The following RAB38 variants were observed in gnomAD, a reference collection of about 807,000 sequenced individuals.
RAB38 encodes ras-related protein Rab-38.
In RAB38, 15 loss-of-function variants were observed where a neutral mutation model predicts 18.4. The observed-to-expected ratio is 0.82, with a 90% confidence interval of 0.55 to 1.26. The LOEUF is 1.26. Ranked by LOEUF, RAB38 falls within the 50% of genes most tolerant of loss-of-function variation. The pLI is 0.00. For missense variants in RAB38, 294 were observed against 267.4 expected, an observed-to-expected ratio of 1.10 and a Z score of -0.69; for synonymous variants, 101 against 104.4, an observed-to-expected ratio of 0.97 and a Z score of 0.20.
At chr11:87,972,717 T>C in the RAB38 span, among the ~76,000 whole-genome samples, 3 of 152,108 alleles carry the variant, frequency 2.0e-5, no homozygotes, top group African/African-American at 7.2e-5. Context: ...TTTACCTATA[T>C]ATTTGAGGTA....
At chr11:87,934,567 G>A in the RAB38 span, among the ~76,000 whole-genome samples, 2 of 152,160 alleles carry the variant, frequency 1.3e-5, no homozygotes, top group East Asian at 1.9e-4. Flanking sequence ...ATTTGAGGCA[G>A]TACTCTCGTG....
chr11:87,891,753 T>C, the RAB38 span, among the ~76,000 whole-genome samples: 1 of 151,920 alleles, frequency 6.6e-6, no homozygotes, highest in Non-Finnish European at 1.5e-5. Flanking sequence ...TAGAACACTA[T>C]AGATAGGCCA....
intron 1 of RAB38, among the ~76,000 whole-genome samples, chr11:88,162,932 T>C (rs1943203961): frequency 6.6e-6 from 1 of 152,130 alleles, no homozygotes; most frequent in Non-Finnish European, 1.5e-5. Context: ...CCATCATCCT[T>C]CACCTAACCA....
At chr11:87,816,184 T>C in the RAB38 span, 1 of 152,336 alleles carries the variant, frequency 6.6e-6, no homozygotes, top group Non-Finnish European at 1.5e-5. Flanking sequence ...AATGATGGTT[T>C]TTCATACCAT....
intron 1 of RAB38, among the ~76,000 whole-genome samples, chr11:88,151,914 A>G (rs747572): frequency 0.36 from 54,975 of 152,060 alleles, 10,113 homozygotes; most frequent in African/African-American, 0.42. Context: ...AGCACATGAC[A>G]ATCTTACAGT....
the RAB38 span, among the ~76,000 whole-genome samples, chr11:87,957,474 C>T: frequency 6.6e-6 from 1 of 151,870 alleles, no homozygotes; most frequent in Non-Finnish European, 1.5e-5. Context: ...TGCTTTTATT[C>T]TAAGTCTGAT....
At chr11:87,893,371 CAT>C in the RAB38 span, among the ~76,000 whole-genome samples, 4 of 86,446 alleles carry the variant, frequency 4.6e-5, no homozygotes, top group Admixed American at 1.6e-4. Context: ...ATATATTTTA[CAT>C]ATATATATAT....
At chr11:88,135,049 C>T (rs559520299) in intron 2 of RAB38, among the ~76,000 whole-genome samples, 5 of 152,178 alleles carry the variant, frequency 3.3e-5, no homozygotes, top group South Asian at 2.1e-4. Context: ...ATTTTCTTTC[C>T]GTGATTTTAT....
the RAB38 span, among the ~76,000 whole-genome samples, chr11:87,949,899 A>C: frequency 7.2e-5 from 11 of 152,172 alleles, no homozygotes; most frequent in African/African-American, 2.7e-4. Flanking sequence ...GTAGATGTCT[A>C]TTAGGTCTGC....
chr11:87,835,341 A>G, the RAB38 span, among the ~76,000 whole-genome samples: 1 of 152,044 alleles, frequency 6.6e-6, no homozygotes, highest in Non-Finnish European at 1.5e-5. Context: ...ACTTGTGGTC[A>G]CTGCCAGTCT....
the RAB38 span, among the ~76,000 whole-genome samples, chr11:88,026,046 C>A: frequency 6.6e-6 from 1 of 151,918 alleles, no homozygotes; most frequent in Non-Finnish European, 1.5e-5. Flanking sequence ...CTCACTGCAA[C>A]CTCTGCCTCC....
At chr11:88,008,915 G>T in the RAB38 span, among the ~76,000 whole-genome samples, 2 of 152,076 alleles carry the variant, frequency 1.3e-5, no homozygotes, top group African/African-American at 4.8e-5. Context: ...CTCGTGATCC[G>T]CCCGCCTCGG....
the RAB38 span, among the ~76,000 whole-genome samples, chr11:88,022,621 A>AAAAAAAAC: frequency 6.7e-6 from 1 of 149,554 alleles, no homozygotes. Flanking sequence ...CAAAAAAAAA[A>AAAAAAAAC]AAAAAAAAAA....
chr11:88,147,298 T>G (rs1192793509), intron 2 of RAB38, among the ~76,000 whole-genome samples: 1 of 151,738 alleles, frequency 6.6e-6, no homozygotes, highest in Non-Finnish European at 1.5e-5. Flanking sequence ...ATTTATTGAC[T>G]GAATGAATGA....
chr11:88,019,791 C>A, the RAB38 span, among the ~76,000 whole-genome samples: 1 of 152,218 alleles, frequency 6.6e-6, no homozygotes, highest in East Asian at 1.9e-4. Flanking sequence ...CAGTCTCTGC[C>A]CAAATATAAC....
At chr11:87,843,725 T>A in the RAB38 span, among the ~76,000 whole-genome samples, 3 of 152,192 alleles carry the variant, frequency 2.0e-5, no homozygotes, top group African/African-American at 7.2e-5. Flanking sequence ...GTTGTGAGGA[T>A]TAAATGAGAA....
the RAB38 span, among the ~76,000 whole-genome samples, chr11:87,849,605 A>G: frequency 6.6e-6 from 1 of 152,114 alleles, no homozygotes; most frequent in Non-Finnish European, 1.5e-5. Context: ...TTGAGCCTAG[A>G]TATCTCACCC....
At chr11:88,038,603 A>G in the RAB38 span, among the ~76,000 whole-genome samples, 3 of 152,200 alleles carry the variant, frequency 2.0e-5, no homozygotes, top group African/African-American at 7.2e-5. Context: ...CTTATGTTCT[A>G]TCAGAAATAG....
chr11:87,806,704 G>A, the RAB38 span, among the ~76,000 whole-genome samples: 2 of 152,002 alleles, frequency 1.3e-5, no homozygotes, highest in Non-Finnish European at 2.9e-5. Context: ...AAATATTTAT[G>A]ACAGTGGCAG....
Sources: gnomAD v4.1 joint callset for allele counts (sites outside exome capture counted in the v4.1 genomes callset) on GRCh38, gnomAD v4.1.1 for gene constraint, MANE v1.5 for transcripts, NCBI Gene and HGNC (gene_info 2026-07-23, HGNC 2026-07-21) for gene names.